The following FGF13 variants were observed in gnomAD, a reference collection of about 807,000 sequenced individuals.
The protein encoded by FGF13 is fibroblast growth factor homologous factor 2.
FGF13 carries 2 observed loss-of-function variants against 19.5 expected under a neutral mutation model. The ratio of observed to expected loss-of-function variants is 0.10; its 90% confidence interval spans 0.04 to 0.32. The LOEUF is 0.32. Among genes scored for constraint, FGF13 ranks in the 10% least tolerant of loss-of-function variants. The pLI, the probability that FGF13 is intolerant of heterozygous loss-of-function variation, is 1.00. For missense variants in FGF13, 113 were observed against 192.7 expected, an observed-to-expected ratio of 0.59 and a Z score of 2.45; for synonymous variants, 72 against 76.9, an observed-to-expected ratio of 0.94 and a Z score of 0.33.
At chrX:138,804,655 A>G (rs2090852914) in intron 3 of FGF13, among the ~76,000 whole-genome samples, 1 of 112,092 alleles carries the variant, frequency 8.9e-6, no homozygotes, top group Admixed American at 9.5e-5. Context: ...GTCACTATGC[A>G]ATTTGACTTA....
At chrX:139,176,434 C>A (rs746150708) in intron 1 of FGF13, among the ~76,000 whole-genome samples, 13 of 102,039 alleles carry the variant, frequency 1.3e-4, no homozygotes, top group African/African-American at 4.7e-4. Flanking sequence ...ATCCTATTCA[C>A]TTCTTGTCTT....
In FGF13 at chrX:138,630,402, G is replaced by C. The variant is rs1027132106; in HGVS notation, c.*2448C>G. 9.0e-6 allele frequency: 1 copy of C among 111,231 alleles called. No individual in the cohort carries two copies. Among genetic ancestry groups the C allele is most frequent in the African/African-American group, 3.3e-5 (1 of 30,588 alleles). The allele number at this position is 111,231 out of a possible 1,213,427, so 9.2% of individuals were successfully genotyped here. ...ACTTTTCCCTACTGATTGAAAATTA[G>C]TAAGAGTTAATAGGGAGAGGTGGTT... On this transcript the variant is annotated 3_prime_UTR_variant, in exon 5 of 5. Coordinates refer to ENST00000315930, the MANE Select transcript of FGF13 (RefSeq NM_004114.5).
chrX:138,948,792 C>G (rs1256261166), intron 1 of FGF13, among the ~76,000 whole-genome samples: 1 of 111,685 alleles, frequency 9.0e-6, no homozygotes, highest in Non-Finnish European at 1.9e-5. Flanking sequence ...TTGTCTCTAC[C>G]CTTGTTAGAT....
chrX:138,713,668 TCTC>T (rs1052959697), upstream of FGF13, among the ~76,000 whole-genome samples: 7 of 111,173 alleles, frequency 6.3e-5, no homozygotes, highest in African/African-American at 2.3e-4. Flanking sequence ...TTCCTCCACT[TCTC>T]CTCTCAGATA....
intron 1 of FGF13, among the ~76,000 whole-genome samples, chrX:138,998,132 C>A (rs1299994837): frequency 1.8e-5 from 2 of 111,426 alleles, no homozygotes; most frequent in Non-Finnish European, 3.8e-5. Context: ...CAAGCAAATG[C>A]TGAGAGATTT....
intron 1 of FGF13, among the ~76,000 whole-genome samples, chrX:139,156,053 C>G (rs181543210): frequency 2.7e-5 from 3 of 111,592 alleles, no homozygotes; most frequent in African/African-American, 9.8e-5. Context: ...CAGGGAAAGT[C>G]AATGTTTGGT....
At chrX:139,168,753 G>A (rs975471250) in intron 1 of FGF13, among the ~76,000 whole-genome samples, 5 of 111,619 alleles carry the variant, frequency 4.5e-5, no homozygotes, top group African/African-American at 1.6e-4. Context: ...GTACCCCCTG[G>A]ATTATTCACC....
chrX:139,115,998 A>G (rs1473179596), intron 1 of FGF13, among the ~76,000 whole-genome samples: 1 of 112,487 alleles, frequency 8.9e-6, no homozygotes, highest in Non-Finnish European at 1.9e-5. Context: ...CTTTAGCTCA[A>G]TGAGTAAATA....
chrX:138,831,774 T>C (rs1462054040), intron 3 of FGF13, among the ~76,000 whole-genome samples: 2 of 111,058 alleles, frequency 1.8e-5, no homozygotes, highest in African/African-American at 6.6e-5. Flanking sequence ...TATTTCATCA[T>C]TCAGGTACTA....
At chrX:139,176,135 T>C (rs1408327802) in intron 1 of FGF13, among the ~76,000 whole-genome samples, 10 of 111,750 alleles carry the variant, frequency 8.9e-5, no homozygotes, top group Admixed American at 2.8e-4. Flanking sequence ...CTTGGGAATG[T>C]TTATGTGTAC....
At chrX:138,791,303 C>G (rs2090740574) in intron 3 of FGF13, among the ~76,000 whole-genome samples, 1 of 111,829 alleles carries the variant, frequency 8.9e-6, no homozygotes, top group Non-Finnish European at 1.9e-5. Flanking sequence ...TAGAACCAAT[C>G]CTTCATAAGT....
chrX:139,098,400 T>TACCA (rs1409514253), intron 1 of FGF13, among the ~76,000 whole-genome samples: 3 of 111,929 alleles, frequency 2.7e-5, no homozygotes, highest in Non-Finnish European at 5.6e-5. Context: ...TAAATAATTC[T>TACCA]ACCAAAAAGA....
At chrX:138,967,226 G>A (rs1353541748) in intron 1 of FGF13, among the ~76,000 whole-genome samples, 1 of 109,170 alleles carries the variant, frequency 9.2e-6, no homozygotes, top group East Asian at 2.9e-4. Flanking sequence ...AATACAGCAG[G>A]AATTCACTTT....
intron 1 of FGF13, among the ~76,000 whole-genome samples, chrX:138,920,028 A>T (rs960528170): frequency 3.8e-4 from 42 of 111,544 alleles, no homozygotes; most frequent in African/African-American, 9.8e-4. Flanking sequence ...CAAAATAAAA[A>T]TTTTTTAAAA....
At position 138,809,916 on chromosome X, in the gene FGF13, A is replaced by C. The variant is rs192741458; in HGVS notation, c.217+47596T>G. Among the ~76,000 whole-genome samples the C allele has an allele frequency of 8.8e-3, 987 of 111,567 alleles. 8 individuals are homozygous for C. The highest frequency in any genetic ancestry group is 0.03 in the African/African-American group (913 of 30,692). On this transcript the variant is annotated intron_variant, in intron 3 of 6. Transcript: ENST00000436198. ...GTGAAGGACCTCTTCAAGGAGAACT[A>C]CAAACCCCTGCTCAACGAAATAAAA...
intron 3 of FGF13, among the ~76,000 whole-genome samples, chrX:138,779,707 T>A (rs1301820664): frequency 4.6e-5 from 5 of 109,733 alleles, no homozygotes. Flanking sequence ...CTGAAAGTGA[T>A]GGGGAGAATG....
rs1249147575 is a variant in FGF13 at position 138,732,688 on chromosome X, T to C, written c.28+6554A>G. Among the ~76,000 whole-genome samples, 3 of 111,149 alleles carry C rather than the reference T, an allele frequency of 2.7e-5. No individual in the cohort carries two copies. In the East Asian group the frequency reaches 8.5e-4, roughly 32 times the overall value. On this transcript the variant is annotated intron_variant, in intron 1 of 4. Coordinates refer to the FGF13 transcript ENST00000305414. ...ATAAATTGCACGAGTATGTGTATTT[T>C]GAAAAACTGATAAAAGTACTTAACA...
intron 3 of FGF13, among the ~76,000 whole-genome samples, chrX:138,764,089 C>A (rs776623169): frequency 9.0e-6 from 1 of 111,547 alleles, no homozygotes; most frequent in African/African-American, 3.3e-5. Context: ...CTAGCTTAGA[C>A]CCTGAGCTGA....
At chrX:138,739,252 C>T in exon 1 of FGF13, 2 of 1,147,856 alleles carry the variant, frequency 1.7e-6, no homozygotes, top group Non-Finnish European at 1.2e-6. Flanking sequence ...CTGAATACGA[C>T]TTCCTTAACA....
Sources: allele counts gnomAD v4.1 joint callset (sites outside exome capture counted in the v4.1 genomes callset), GRCh38; gene constraint gnomAD v4.1.1; transcripts MANE v1.5; gene names NCBI Gene and HGNC (gene_info 2026-07-23, HGNC 2026-07-21).